GLRB: variants seen among roughly 807,000 people sequenced by gnomAD.
GLRB encodes glycine receptor beta.
In GLRB, 33 loss-of-function variants were observed where a neutral mutation model predicts 54.2. The ratio of observed to expected loss-of-function variants is 0.61; its 90% CI spans 0.46 to 0.81. The LOEUF is 0.81. Among genes scored for constraint, GLRB ranks in the 40% least tolerant of loss-of-function variants. The pLI is 0.00. For missense variants in GLRB, 572 were observed against 584.6 expected (o/e 0.98, Z 0.22); for synonymous variants, 209 against 208.2 (o/e 1.00, Z -0.03).
intron 4 of GLRB, among the ~76,000 whole-genome samples, chr4:157,128,780 G>C (rs1056551999): frequency 1.3e-5 from 2 of 151,638 alleles, no homozygotes; most frequent in African/African-American, 4.8e-5. Flanking sequence ...GTTTTTACAG[G>C]CATTTGGGTA....
intron 2 of GLRB, among the ~76,000 whole-genome samples, chr4:157,102,384 C>G (rs568536336): frequency 6.6e-6 from 1 of 152,068 alleles, no homozygotes; most frequent in East Asian, 1.9e-4. Context: ...TTCTGCTCTC[C>G]GCTTCTATAG....
At chr4:157,144,936 T>C (rs2343767) in intron 8 of GLRB, among the ~76,000 whole-genome samples, 64,636 of 151,992 alleles carry the variant, frequency 0.43, 16,317 homozygotes, top group African/African-American at 0.71. Flanking sequence ...CAGACCAAAT[T>C]TATAACCAAA....
intron 3 of GLRB, 24 bp from the exon 4 acceptor site, chr4:157,122,306 T>C (rs1358355060): frequency 1.5e-5 from 14 of 943,292 alleles, no homozygotes; most frequent in Non-Finnish European, 2.4e-5. Context: ...AGCTAATAAA[T>C]ATATTCTTAA....
At chr4:157,139,079 C>G (rs1485273840) in intron 7 of GLRB, 130 bp downstream of exon 7, 1 of 586,302 alleles carries the variant, frequency 1.7e-6, no homozygotes, top group Non-Finnish European at 3.1e-6. Context: ...TTTATCTTTA[C>G]ATTCATATGT....
At chr4:157,079,863 T>A (rs1734163607) in intron 2 of GLRB, among the ~76,000 whole-genome samples, 1 of 152,196 alleles carries the variant, frequency 6.6e-6, no homozygotes, top group African/African-American at 2.4e-5. Context: ...GTTGGGACAT[T>A]AACACAAACT....
chr4:157,089,015 G>A (rs777911021), intron 2 of GLRB, among the ~76,000 whole-genome samples: 3 of 152,076 alleles, frequency 2.0e-5, no homozygotes, highest in African/African-American at 7.2e-5. Context: ...CAAAAGATGT[G>A]CAACATTATT....
chr4:157,086,330 T>C (rs1579183928), intron 2 of GLRB, among the ~76,000 whole-genome samples: 1 of 152,248 alleles, frequency 6.6e-6, no homozygotes, highest in East Asian at 1.9e-4. Flanking sequence ...ATATGATTAA[T>C]CTGAATTAAT....
intron 2 of GLRB, among the ~76,000 whole-genome samples, chr4:157,087,482 G>A (rs897771512): frequency 6.6e-6 from 1 of 151,866 alleles, no homozygotes; most frequent in South Asian, 2.1e-4. Flanking sequence ...GATACAATGC[G>A]GTTTTGTTTA....
At chr4:157,082,169 C>G (rs1400801080) in intron 2 of GLRB, among the ~76,000 whole-genome samples, 1 of 152,150 alleles carries the variant, frequency 6.6e-6, no homozygotes, top group Admixed American at 6.6e-5. Context: ...GCACCACACC[C>G]ATACATCCAA....
Position 157,152,787 on chromosome 4 carries a change from A to G in GLRB, c.974A>G (p.Tyr325Cys), listed in dbSNP as rs1737073827. 3 of 1,613,446 alleles carry G rather than the reference A, an allele frequency of 1.9e-6. No individual in the cohort carries two copies. The highest frequency in any genetic ancestry group is 1.3e-5 in the African/African-American group (1 of 74,858). The stretch of plus-strand genomic sequence containing the variant: ...GCCGCTGAGCTTCCCAAAGTTTCCT[A>G]TGTGAAGGCTCTTGATGTTTGGCTT... ...TLAAELPKVSYVKALDVWLIA... is the reference protein window; with the variant it reads ...TLAAELPKVSCVKALDVWLIA... Residue 325 changes from tyrosine to cysteine, a missense_variant, in exon 9 of 10, where the codon TAT becomes TGT. By Grantham distance (194) the Tyr-to-Cys change is radical (BLOSUM62 -2). Transcript: ENST00000264428.
chr4:157,134,502 T>C (rs1210276774), intron 4 of GLRB, among the ~76,000 whole-genome samples: 2 of 151,912 alleles, frequency 1.3e-5, no homozygotes, highest in Admixed American at 1.3e-4. Context: ...AAAATAAAAA[T>C]AAAAATCTAA....
intron 9 of GLRB, among the ~76,000 whole-genome samples, chr4:157,166,478 G>T (rs1226841950): frequency 1.3e-5 from 2 of 152,038 alleles, no homozygotes; most frequent in Non-Finnish European, 2.9e-5. Flanking sequence ...TAAAATCTGT[G>T]ATGAATGGGG....
At position 157,120,526 on chromosome 4, in the gene GLRB, T is replaced by C; in HGVS notation, c.123-30T>C. On this transcript the variant is annotated intron_variant, in intron 2 of 9. Transcript: ENST00000264428. Reference sequence around the variant, plus strand: ...ATTTCTGTTGTTTGCTATTTATAACTACTTATCAGGATTTTTCTCTCTCTT... The same window carrying C: ...ATTTCTGTTGTTTGCTATTTATAACCACTTATCAGGATTTTTCTCTCTCTT... The C allele has an allele frequency of 4.2e-6, 5 of 1,197,052 alleles. No homozygotes were observed. In the South Asian group the frequency reaches 4.9e-5, roughly 12 times the overall value. 74.2% of individuals were successfully genotyped at this position (1,197,052 alleles called of 1,614,324 possible).
chr4:157,106,600 T>C (rs1305384212), intron 2 of GLRB, among the ~76,000 whole-genome samples: 1 of 152,016 alleles, frequency 6.6e-6, no homozygotes, highest in African/African-American at 2.4e-5. Context: ...TCTTTTTTTT[T>C]CCTGGAGCTA....
chr4:157,113,576 A>T (rs893571388), intron 2 of GLRB, among the ~76,000 whole-genome samples: 1 of 151,988 alleles, frequency 6.6e-6, no homozygotes, highest in African/African-American at 2.4e-5. Flanking sequence ...AAAATCTAGT[A>T]TCTCTCCAGA....
At chr4:157,149,526 A>C (rs1736940730) in intron 8 of GLRB, among the ~76,000 whole-genome samples, 1 of 152,138 alleles carries the variant, frequency 6.6e-6, no homozygotes, top group Non-Finnish European at 1.5e-5. Flanking sequence ...TCAATTATAA[A>C]TGCAAAAAGA....
At position 157,155,578 on chromosome 4, in the gene GLRB, C is replaced by T. The variant is rs537526785; in HGVS notation, c.1197+2568C>T. ...GATTGTAAGGTTACAATTCTATATGCATTTCTTTTAGCGCCTAAAAAGTAT... is the reference window on the plus strand; with the variant it reads ...GATTGTAAGGTTACAATTCTATATGTATTTCTTTTAGCGCCTAAAAAGTAT... On this transcript the variant is annotated intron_variant, in intron 9 of 9. Transcript: ENST00000264428. Among the ~76,000 whole-genome samples the T allele has an allele frequency of 1.8e-4, 27 of 152,274 alleles. No individual in the cohort carries two copies. The South Asian group carries it at 5.4e-3, about 30-fold the overall frequency.
At chr4:157,123,784 A>G (rs1032789366) in intron 4 of GLRB, among the ~76,000 whole-genome samples, 1 of 151,646 alleles carries the variant, frequency 6.6e-6, no homozygotes. Context: ...CCTGTTCTGT[A>G]CCCTGGTTAT....
At chr4:157,108,510 G>A (rs984572648) in intron 2 of GLRB, among the ~76,000 whole-genome samples, 2 of 152,068 alleles carry the variant, frequency 1.3e-5, no homozygotes, top group African/African-American at 4.8e-5. Flanking sequence ...GGTGGAAATA[G>A]CAAGAAAACT....
Sources: gnomAD v4.1 joint callset for allele counts (sites outside exome capture counted in the v4.1 genomes callset) on GRCh38, gnomAD v4.1.1 for gene constraint, MANE v1.5 for transcripts, NCBI Gene and HGNC (gene_info 2026-07-23, HGNC 2026-07-21) for gene names.